CAMSAP1: variants seen among roughly 807,000 people sequenced by gnomAD.
CAMSAP1 encodes the protein calmodulin-regulated spectrin-associated protein 1.
Under a neutral mutation model 143.5 loss-of-function variants are expected in CAMSAP1, and 58 were observed. That is an observed-to-expected ratio of 0.40 (90% confidence interval 0.33 to 0.50). CAMSAP1 has a LOEUF of 0.50. Ranked by LOEUF, CAMSAP1 falls within the 20% of genes least tolerant of loss-of-function variation. The pLI is 0.45. For missense variants in CAMSAP1, 1,969 were observed against 2,115.7 expected (o/e 0.93, Z 1.36); for synonymous variants, 945 against 859.3 (o/e 1.10, Z -1.74).
rs1241429867 is a variant in CAMSAP1, at chr9:135,838,155, G to A, written c.1046-10571C>T. Among the ~76,000 whole-genome samples the A allele has an allele frequency of 4.5e-4, 54 of 120,560 alleles. No individual in the cohort carries two copies. In the Middle Eastern group the frequency reaches 0.022, roughly 49 times the overall value. 79.1% of individuals were successfully genotyped at this position (120,560 alleles called of 152,430 possible). A position where few individuals can be genotyped will look rare whatever the true frequency, so the allele number is the denominator to read the frequency against. ...CTTTCTACCCGTTCTACAGACACAC[G>A]TCATCACGCACTTTCCACCCGTTCT... is the stretch of plus-strand genomic sequence containing the variant. On this transcript the variant is annotated intron_variant, in intron 7 of 16. Transcript: ENST00000389532.
chr9:135,889,209 C>T (rs987115123), intron 1 of CAMSAP1, among the ~76,000 whole-genome samples: 1 of 152,180 alleles, frequency 6.6e-6, no homozygotes, highest in Non-Finnish European at 1.5e-5. Flanking sequence ...GTATGTAGCC[C>T]CCAGGAGCAG....
At chr9:135,906,950 GC>G in intron 1 of CAMSAP1, 49 bp downstream of exon 1, 1 of 965,642 alleles carries the variant, frequency 1.0e-6, no homozygotes, top group Non-Finnish European at 1.2e-6. Context: ...GCGTCCCCCG[GC>G]CCCGGCCCGC....
rs572723449 is a variant in CAMSAP1 at position 135,870,015 on chromosome 9, G to A, written c.586-3479C>T. ...CAGAGTAGACTGCTAGTTGCCAGGG[G>A]CTGAGGAGAGAATGACGTCTGGCTG... On this transcript the variant is annotated intron_variant, in intron 3 of 16. Transcript: ENST00000389532. Among the ~76,000 whole-genome samples the A allele has an allele frequency of 3.3e-5, 5 of 152,322 alleles. No individual in the cohort carries two copies. In the South Asian group the frequency reaches 1.0e-3, roughly 32 times the overall value.
chr9:135,814,339 C>T (rs1835153034), intron 16 of CAMSAP1, among the ~76,000 whole-genome samples: 1 of 152,234 alleles, frequency 6.6e-6, no homozygotes, highest in Non-Finnish European at 1.5e-5. Flanking sequence ...AGCAGAATTT[C>T]TGGTGGATGA....
Position 135,820,918 on chromosome 9 carries a change from C to G in CAMSAP1, c.3743G>C (p.Gly1248Ala), listed in dbSNP as rs763680503. The G allele has an allele frequency of 5.0e-6, 8 of 1,613,692 alleles. No homozygotes were observed. Among genetic ancestry groups the G allele is most frequent in the Non-Finnish European group, 6.8e-6 (8 of 1,179,852 alleles). Reference sequence around the variant, plus strand: ...CGAGCCATCGAGGCTTACCAGCTCCCCATCCTCGTCGGGGGCCTTCAGGTC... The same window carrying G: ...CGAGCCATCGAGGCTTACCAGCTCCGCATCCTCGTCGGGGGCCTTCAGGTC... The part of the protein sequence containing the change: ...LSDLKAPDED[G>A]ELVSLDGSAD... Residue 1248 changes from glycine to alanine, a missense_variant, in exon 11 of 17, where the codon GGG (glycine) becomes GCG (alanine). By Grantham distance (60) the Gly-to-Ala change is moderately conservative (BLOSUM62 0). Around this residue, in one of 4 missense-constraint regions of CAMSAP1, gnomAD observed 1,390 missense variants for 1,420.8 expected, o/e 0.98. Transcript: ENST00000389532. This position sits in a 1 kb window ranked among gnomAD's most constrained non-coding sequence, Gnocchi z 4.4.
chr9:135,906,967 T>G, intron 1 of CAMSAP1, 33 bp downstream of exon 1: 2 of 914,206 alleles, frequency 2.2e-6, no homozygotes, highest in Non-Finnish European at 2.7e-6. Context: ...CCCGCGCCCC[T>G]GGCCCCCGCC....
At chr9:135,868,687 G>C (rs1172845439) in intron 3 of CAMSAP1, among the ~76,000 whole-genome samples, 1 of 139,344 alleles carries the variant, frequency 7.2e-6, no homozygotes, top group Admixed American at 8.0e-5. Flanking sequence ...GCATGATCTC[G>C]GCTCACTGCA....
intron 7 of CAMSAP1, 139 bp downstream of exon 7, chr9:135,849,998 C>T (rs1005272414): frequency 4.6e-5 from 29 of 626,356 alleles, no homozygotes; most frequent in Non-Finnish European, 6.5e-5. Context: ...AACTCTCACG[C>T]CCGTCCCTGG....
chr9:135,834,035 G>T (rs1202255620), intron 7 of CAMSAP1, among the ~76,000 whole-genome samples: 1 of 152,172 alleles, frequency 6.6e-6, no homozygotes, highest in Non-Finnish European at 1.5e-5. Flanking sequence ...AGACATACAG[G>T]TGGCCAACAG....
chr9:135,816,618 A>C (rs1835238329), intron 14 of CAMSAP1, among the ~76,000 whole-genome samples: 1 of 152,178 alleles, frequency 6.6e-6, no homozygotes, highest in Non-Finnish European at 1.5e-5. Flanking sequence ...TGACCACCAG[A>C]ACAAAAACCC....
At chr9:135,881,554 C>A in intron 3 of CAMSAP1, 79 bp downstream of exon 3, 1 of 1,475,384 alleles carries the variant, frequency 6.8e-7, no homozygotes, top group South Asian at 1.3e-5. Flanking sequence ...GCGTGACAGA[C>A]AAGGTGTGCT....
chr9:135,903,175 C>A (rs1004943697), intron 1 of CAMSAP1, among the ~76,000 whole-genome samples: 3 of 152,186 alleles, frequency 2.0e-5, no homozygotes, highest in African/African-American at 7.2e-5. Context: ...GCGTGCTATG[C>A]GGTAAAATAA....
chr9:135,851,853 T>C (rs1227256020), intron 5 of CAMSAP1, among the ~76,000 whole-genome samples: 2 of 152,364 alleles, frequency 1.3e-5, no homozygotes, highest in East Asian at 3.9e-4. Flanking sequence ...GTGTGCTGTC[T>C]ATGCGTGTAC....
At chr9:135,863,182 G>A (rs1231495845) in intron 4 of CAMSAP1, among the ~76,000 whole-genome samples, 2 of 152,144 alleles carry the variant, frequency 1.3e-5, no homozygotes, top group Admixed American at 6.5e-5. Flanking sequence ...ATCAGGAGGC[G>A]AAATCCATGC....
At chr9:135,884,002 C>T (rs1838042976) in intron 1 of CAMSAP1, among the ~76,000 whole-genome samples, 1 of 152,154 alleles carries the variant, frequency 6.6e-6, no homozygotes, top group African/African-American at 2.4e-5. Context: ...GCCACTATGC[C>T]CCTCACACTG....
Position 135,824,016 on chromosome 9 carries a change from T to G in CAMSAP1, c.1334A>C (p.Asn445Thr). 1 of 1,585,498 alleles carries G rather than the reference T, an allele frequency of 6.3e-7. No individual in the cohort carries two copies. Among genetic ancestry groups the G allele is most frequent in the African/African-American group, 1.3e-5 (1 of 74,480 alleles). The part of the protein sequence containing the change: ...EDIPDQRHRS[N>T]SLTRVDGQPR... ...CTGACCATCAACTCGGGTCAAAGAA[T>G]TCGATCGATGTCGCTGATCTGCAGT... Residue 445 changes from asparagine (N) to threonine (T), a missense_variant, in exon 10 of 17, where the codon AAT becomes ACT. Transcript: ENST00000389532. This position sits in a 1 kb window ranked among gnomAD's most constrained non-coding sequence, Gnocchi z 4.1.
At chr9:135,884,540 A>G (rs1173261787) in intron 1 of CAMSAP1, among the ~76,000 whole-genome samples, 4 of 152,202 alleles carry the variant, frequency 2.6e-5, no homozygotes, top group African/African-American at 9.6e-5. Context: ...GGTTGTACAC[A>G]ATGATTAGGT....
intron 14 of CAMSAP1, chr9:135,817,753 AGGGGAGGG>A: frequency 3.9e-6 from 2 of 517,244 alleles, no homozygotes; most frequent in Non-Finnish European, 3.5e-6. Flanking sequence ...GGTGGGGGAC[AGGGGAGGG>A]TGATAAGGTG....
chr9:135,852,331 G>T (rs1041173961), intron 5 of CAMSAP1, among the ~76,000 whole-genome samples: 4 of 152,130 alleles, frequency 2.6e-5, no homozygotes, highest in Non-Finnish European at 5.9e-5. Flanking sequence ...TTTGTCACAG[G>T]AAAGTTTTAC....
Sources: gnomAD v4.1 joint callset for allele counts (sites outside exome capture counted in the v4.1 genomes callset) on GRCh38, gnomAD v4.1.1 for gene constraint, gnomAD v4.1.1 regional missense constraint, Gnocchi (gnomAD v3.1) non-coding constraint, MANE v1.5 for transcripts, NCBI Gene and HGNC (gene_info 2026-07-23, HGNC 2026-07-21) for gene names.